PRUNE2: variants seen among roughly 807,000 people sequenced by gnomAD.
PRUNE2 encodes prune homolog 2 with BCH domain.
In PRUNE2, 164 loss-of-function variants were observed where a neutral mutation model predicts 252.0. The observed-to-expected ratio is 0.65, with a 90% CI of 0.57 to 0.74. The LOEUF (loss-of-function observed/expected upper bound fraction) is 0.74. PRUNE2 is among the 30% of genes least tolerant of loss of function. PRUNE2 has a pLI of 0.00. For missense variants in PRUNE2, 3,495 were observed against 3,711.0 expected (o/e 0.94, Z 1.51); for synonymous variants, 1,292 against 1,350.2 (o/e 0.96, Z 0.94).
Position 76,710,892 on chromosome 9 carries a change from G to A in PRUNE2, c.1382C>T (p.Thr461Ile), listed in dbSNP as rs746413619. 1.9e-6 allele frequency: 3 copies of A among 1,547,202 alleles called. No individual in the cohort carries two copies. Among genetic ancestry groups the A allele is most frequent in the Non-Finnish European group, 2.6e-6 (3 of 1,148,238 alleles). ...PVGEGAGPHH[T>I]LLPGLDSYSP... ...GTAGGAGTCAAGCCCTGGGAGAAGG[G>A]TGTGGTGAGGCCCAGCACCTTCTCC... The change falls in exon 8 of 19, where the codon ACC (threonine) becomes ATC (isoleucine). Residue 461 changes from threonine to isoleucine, a missense_variant. By Grantham distance (89) the Thr-to-Ile change is moderately conservative. Transcript: ENST00000376718.
At chr9:76,666,344 C>T (rs1203829608) in intron 9 of PRUNE2, among the ~76,000 whole-genome samples, 1 of 152,194 alleles carries the variant, frequency 6.6e-6, no homozygotes, top group African/African-American at 2.4e-5. Flanking sequence ...ATCAGTCAGG[C>T]TTGCCCGCAG....
intron 6 of PRUNE2, among the ~76,000 whole-genome samples, chr9:76,756,007 G>C (rs2051116114): frequency 6.6e-6 from 1 of 152,148 alleles, no homozygotes; most frequent in Non-Finnish European, 1.5e-5. Context: ...CTGGCCAGGG[G>C]ATCATACTTT....
At chr9:76,797,131 T>C (rs2056167224) in intron 6 of PRUNE2, among the ~76,000 whole-genome samples, 1 of 152,186 alleles carries the variant, frequency 6.6e-6, no homozygotes, top group African/African-American at 2.4e-5. Flanking sequence ...CTGTGTACTG[T>C]TAAAATTTTC....
At chr9:76,731,752 T>A (rs2048629351) in intron 6 of PRUNE2, among the ~76,000 whole-genome samples, 1 of 152,186 alleles carries the variant, frequency 6.6e-6, no homozygotes, top group Non-Finnish European at 1.5e-5. Context: ...GAAAAAGGAC[T>A]GGTATTTGAA....
At chr9:76,855,920 A>G (rs971045687) in intron 1 of PRUNE2, among the ~76,000 whole-genome samples, 1 of 152,180 alleles carries the variant, frequency 6.6e-6, no homozygotes, top group African/African-American at 2.4e-5. Context: ...CTCACTCTCA[A>G]TGTCAGACTG....
intron 6 of PRUNE2, among the ~76,000 whole-genome samples, chr9:76,815,888 C>T (rs551159119): frequency 3.9e-5 from 6 of 152,190 alleles, no homozygotes; most frequent in Non-Finnish European, 5.9e-5. Flanking sequence ...CTGCCAGGTG[C>T]GGTGGCTCAC....
intron 6 of PRUNE2, among the ~76,000 whole-genome samples, chr9:76,817,293 T>C (rs1051719049): frequency 2.6e-5 from 4 of 152,210 alleles, no homozygotes; most frequent in Admixed American, 1.3e-4. Flanking sequence ...AGGACTGGCC[T>C]GGGATTTGGG....
At chr9:76,823,376 A>T (rs866462143) in intron 6 of PRUNE2, 1 of 431,690 alleles carries the variant, frequency 2.3e-6, no homozygotes, top group Non-Finnish European at 4.2e-6. Flanking sequence ...CCCACATCTG[A>T]GTGTTTGTTT....
rs533381787 is a variant in PRUNE2 at position 76,777,021 on chromosome 9, A to T, written c.756+46611T>A. Among the ~76,000 whole-genome samples, 8 of 151,548 alleles carry T rather than the reference A, an allele frequency of 5.3e-5. No homozygotes were observed. In the East Asian group the frequency reaches 1.6e-3, roughly 29 times the overall value. ...ACTGTTCCTCTTGGGTTGGGTTCCC[A>T]CATCTGCCACTGCACCAATGCCATC... On this transcript the variant is annotated intron_variant, in intron 6 of 18. Transcript: ENST00000376718.
chr9:76,638,581 G>T (rs773987104), intron 12 of PRUNE2, among the ~76,000 whole-genome samples: 3 of 151,842 alleles, frequency 2.0e-5, no homozygotes, highest in Non-Finnish European at 2.9e-5. Context: ...TTGTGAAGAG[G>T]GTGTGTAAAT....
intron 1 of PRUNE2, among the ~76,000 whole-genome samples, chr9:76,865,311 A>G (rs969777913): frequency 1.3e-5 from 2 of 152,196 alleles, no homozygotes; most frequent in African/African-American, 4.8e-5. Context: ...TGGGCAACAT[A>G]GTGAGACCCT....
chr9:76,767,551 A>G (rs2052551638), intron 6 of PRUNE2, among the ~76,000 whole-genome samples: 1 of 152,100 alleles, frequency 6.6e-6, no homozygotes, highest in South Asian at 2.1e-4. Flanking sequence ...CTTTAAAAAG[A>G]AAAAGAACTA....
intron 6 of PRUNE2, among the ~76,000 whole-genome samples, chr9:76,724,520 T>C (rs2135308047): frequency 6.6e-6 from 1 of 151,988 alleles, no homozygotes; most frequent in South Asian, 2.1e-4. Flanking sequence ...AGTGGGCTGA[T>C]TTCAGGCACA....
intron 9 of PRUNE2, among the ~76,000 whole-genome samples, chr9:76,690,439 T>C (rs1180782408): frequency 1.3e-5 from 2 of 152,220 alleles, no homozygotes; most frequent in African/African-American, 4.8e-5. Context: ...CTGTAACCTA[T>C]ATCAGGTACC....
intron 6 of PRUNE2, among the ~76,000 whole-genome samples, chr9:76,818,151 A>G (rs567400524): frequency 6.6e-6 from 1 of 152,342 alleles, no homozygotes; most frequent in East Asian, 1.9e-4. Context: ...TGCTCCCCCA[A>G]GAAACGCTAT....
chr9:76,683,912 C>T (rs1371839515), intron 9 of PRUNE2, among the ~76,000 whole-genome samples: 10 of 150,290 alleles, frequency 6.7e-5, no homozygotes, highest in Admixed American at 4.0e-4. Context: ...TTTGTGTATA[C>T]ATAAAATATA....
chr9:76,878,552 T>TA (rs1291789340), intron 1 of PRUNE2, among the ~76,000 whole-genome samples: 4 of 152,170 alleles, frequency 2.6e-5, no homozygotes, highest in African/African-American at 4.8e-5. Context: ...TCAGAAAACT[T>TA]AGAGTTCAGT....
chr9:76,885,368 A>G (rs1292050693), intron 1 of PRUNE2, among the ~76,000 whole-genome samples: 2 of 152,190 alleles, frequency 1.3e-5, no homozygotes, highest in African/African-American at 4.8e-5. Context: ...AGAAAGTTTC[A>G]TGCAATAAAT....
chr9:76,856,980 C>T, intron 1 of PRUNE2: 1 of 439,348 alleles, frequency 2.3e-6, no homozygotes, highest in Non-Finnish European at 4.6e-6. Context: ...TCTCAAACTC[C>T]TGACCTCAGG....
Sources: gnomAD v4.1 joint callset for allele counts (sites outside exome capture counted in the v4.1 genomes callset) on GRCh38, gnomAD v4.1.1 for gene constraint, MANE v1.5 for transcripts, NCBI Gene and HGNC (gene_info 2026-07-23, HGNC 2026-07-21) for gene names.